Variants in PCSK5 observed in about 807,000 individuals in gnomAD.
PCSK5 encodes prohormone convertase 5.
PCSK5 carries 129 observed loss-of-function variants against 233.2 expected under a neutral mutation model. That is an observed-to-expected ratio of 0.55 (90% confidence interval 0.48 to 0.64). The LOEUF (loss-of-function observed/expected upper bound fraction) is 0.64. PCSK5 is among the 30% of genes least tolerant of loss of function. The pLI is 0.00. For synonymous variants in PCSK5, 825 were observed against 879.2 expected (o/e 0.94, Z 1.09); for missense variants, 2,076 against 2,430.1 (o/e 0.85, Z 3.06).
chr9:76,153,153 G>A (rs1269916237), intron 10 of PCSK5, among the ~76,000 whole-genome samples: 1 of 152,154 alleles, frequency 6.6e-6, no homozygotes, highest in African/African-American at 2.4e-5. Flanking sequence ...TAAAGGAACA[G>A]ATATAACAGT....
At chr9:76,108,977 A>C (rs1287846645) in intron 9 of PCSK5, among the ~76,000 whole-genome samples, 2 of 152,178 alleles carry the variant, frequency 1.3e-5, no homozygotes, top group Non-Finnish European at 2.9e-5. Context: ...CCAAGCCTGG[A>C]GATTGAGAGA....
chr9:76,085,335 T>A (rs1019338996), intron 7 of PCSK5, among the ~76,000 whole-genome samples: 2 of 152,232 alleles, frequency 1.3e-5, no homozygotes, highest in Non-Finnish European at 2.9e-5. Context: ...TATAGTGGTA[T>A]AGAGTCCCTC....
At chr9:76,342,382 CT>C (rs969183906) in intron 35 of PCSK5, among the ~76,000 whole-genome samples, 27 of 151,660 alleles carry the variant, frequency 1.8e-4, no homozygotes, top group East Asian at 7.7e-4. Context: ...CTCTAATCCT[CT>C]TTTTTTTTCC....
intron 9 of PCSK5, among the ~76,000 whole-genome samples, chr9:76,110,701 A>G (rs1832174977): frequency 6.6e-6 from 1 of 152,246 alleles, no homozygotes; most frequent in African/African-American, 2.4e-5. Flanking sequence ...ATCTCAAAAA[A>G]AAAGGTTGTG....
intron 2 of PCSK5, among the ~76,000 whole-genome samples, chr9:75,958,308 T>C (rs910768883): frequency 6.6e-6 from 1 of 152,170 alleles, no homozygotes; most frequent in Non-Finnish European, 1.5e-5. Context: ...GGCTCGATAG[T>C]GTTCAAGGCC....
In PCSK5 at chr9:76,256,437, C is replaced by T. The variant is rs1322180181; in HGVS notation, c.3142+15753C>T. Among the ~76,000 whole-genome samples, 5 of 152,182 alleles carry T rather than the reference C, an allele frequency of 3.3e-5. No homozygotes were observed. In the East Asian group the frequency reaches 9.6e-4, roughly 29 times the overall value. On this transcript the variant is annotated intron_variant, in intron 24 of 37. Coordinates refer to ENST00000674117, the MANE Select transcript of PCSK5 (RefSeq NM_001372043.1). ...AAAAGCGGAGTGTGGTCGAGCCGGA[C>T]ACACAGGGTGGAGGGTTCAGAAGAC... is the stretch of plus-strand genomic sequence containing the variant.
chr9:76,055,129 G>A (rs1478900881), intron 5 of PCSK5, among the ~76,000 whole-genome samples: 1 of 152,048 alleles, frequency 6.6e-6, no homozygotes, highest in Non-Finnish European at 1.5e-5. Flanking sequence ...TTGCTAAGTA[G>A]AAAAACCATC....
chr9:76,028,693 C>T lies in PCSK5; in HGVS notation c.632+1656C>T, dbSNP rs1347605130. On this transcript the variant is annotated intron_variant, in intron 5 of 37. Transcript: ENST00000674117. The stretch of plus-strand genomic sequence containing the variant: ...TTCACACTCTCGGAGCCAGAGGCTG[C>T]ATGACCCCTAAACTGTAATTTCTAA... Among the ~76,000 whole-genome samples, 4 of 152,160 alleles carry T rather than the reference C, an allele frequency of 2.6e-5. No homozygotes were observed. The South Asian group carries it at 6.2e-4, about 24-fold the overall frequency.
At chr9:76,276,816 G>A (rs567627595) in intron 24 of PCSK5, among the ~76,000 whole-genome samples, 2 of 152,294 alleles carry the variant, frequency 1.3e-5, no homozygotes, top group Admixed American at 1.3e-4. Flanking sequence ...TATACCAGCA[G>A]TTCTTGGCAC....
At chr9:76,285,554 A>AG (rs80283689) in intron 24 of PCSK5, among the ~76,000 whole-genome samples, 19 of 152,066 alleles carry the variant, frequency 1.2e-4, no homozygotes, top group African/African-American at 1.7e-4. Flanking sequence ...AGCAAGTGGT[A>AG]GGGGGGGAGT....
chr9:76,071,708 C>A lies in PCSK5; in HGVS notation c.722-18C>A, dbSNP rs909345735. 6.2e-7 allele frequency: 1 copy of A among 1,602,012 alleles called. No individual in the cohort carries two copies. Among genetic ancestry groups the A allele is most frequent in the Admixed American group, 1.7e-5 (1 of 59,190 alleles). On this transcript the variant is annotated intron_variant, in intron 6 of 37. Coordinates refer to ENST00000674117, the MANE Select transcript of PCSK5 (RefSeq NM_001372043.1). ...AGGGAAGCCCTGTAATGAGCTAGTT[C>A]TCCTTTCTGTGTTGAAGGAGTGCGA...
intron 3 of PCSK5, among the ~76,000 whole-genome samples, chr9:76,020,954 T>G (rs750668738): frequency 2.0e-5 from 3 of 152,174 alleles, no homozygotes; most frequent in Non-Finnish European, 2.9e-5. Flanking sequence ...TTGCTTTGTG[T>G]TAAATTAAAA....
intron 3 of PCSK5, among the ~76,000 whole-genome samples, chr9:76,019,960 C>T (rs1004283554): frequency 6.6e-6 from 1 of 152,146 alleles, no homozygotes; most frequent in Non-Finnish European, 1.5e-5. Context: ...CTGAAAATAC[C>T]TACATTTACT....
At chr9:76,247,791 CTT>C (rs35561448) in intron 24 of PCSK5, among the ~76,000 whole-genome samples, 1 of 148,392 alleles carries the variant, frequency 6.7e-6, no homozygotes, top group African/African-American at 2.5e-5. Context: ...ATTTTTTAAT[CTT>C]TTTTTTTTTG....
chr9:75,948,516 T>G (rs1388807349), intron 2 of PCSK5, among the ~76,000 whole-genome samples: 1 of 152,054 alleles, frequency 6.6e-6, no homozygotes, highest in Non-Finnish European at 1.5e-5. Context: ...CTGCATAGTA[T>G]TCCATGGTGT....
chr9:75,905,888 C>T (rs1826246833), intron 1 of PCSK5, among the ~76,000 whole-genome samples: 1 of 152,140 alleles, frequency 6.6e-6, no homozygotes, highest in South Asian at 2.1e-4. Flanking sequence ...TCCGTGAAAC[C>T]GGTCCCTGGT....
chr9:76,000,368 C>T (rs562527697), intron 3 of PCSK5, among the ~76,000 whole-genome samples: 4 of 152,258 alleles, frequency 2.6e-5, no homozygotes, highest in South Asian at 2.1e-4. Flanking sequence ...TTCCCAGTGA[C>T]GGTGTGTATT....
intron 2 of PCSK5, among the ~76,000 whole-genome samples, chr9:75,976,006 G>T (rs757561067): frequency 2.6e-5 from 4 of 152,174 alleles, no homozygotes; most frequent in Non-Finnish European, 5.9e-5. Flanking sequence ...AACCCCAGGT[G>T]GCATTCAGAC....
chr9:76,221,212 A>T (rs1174809485), intron 20 of PCSK5, among the ~76,000 whole-genome samples: 3 of 152,210 alleles, frequency 2.0e-5, no homozygotes, highest in Non-Finnish European at 4.4e-5. Flanking sequence ...CATTGAGTAA[A>T]TCTGCTTTGT....
Sources: gnomAD v4.1 joint callset for allele counts (sites outside exome capture counted in the v4.1 genomes callset) on GRCh38, gnomAD v4.1.1 for gene constraint, MANE v1.5 for transcripts, NCBI Gene and HGNC (gene_info 2026-07-23, HGNC 2026-07-21) for gene names.